The following ZC3H3 variants were observed in gnomAD, a reference collection of about 807,000 sequenced individuals.
ZC3H3 encodes zinc finger CCCH-type containing 3.
In ZC3H3, 36 loss-of-function variants were observed where a neutral mutation model predicts 77.3. The observed-to-expected ratio is 0.47, with a 90% confidence interval of 0.36 to 0.61. The LOEUF (loss-of-function observed/expected upper bound fraction) is 0.61. Among genes scored for constraint, ZC3H3 ranks in the 20% least tolerant of loss-of-function variants. ZC3H3 has a pLI of 0.00. For missense variants in ZC3H3, 1,331 were observed against 1,312.2 expected (o/e 1.01, Z -0.22); for synonymous variants, 626 against 555.2 (o/e 1.13, Z -1.79).
Position 143,468,189 on chromosome 8 carries a change from G to A in ZC3H3, c.2175+20C>T. ...CCGGAGAAAGGTGCACGGGAGCAGGGCCACCAGCGCCGCACTCACCTTCTC... is the reference window on the plus strand; with the variant it reads ...CCGGAGAAAGGTGCACGGGAGCAGGACCACCAGCGCCGCACTCACCTTCTC... On this transcript the variant is annotated intron_variant, in intron 8 of 11. Coordinates refer to ENST00000262577, the MANE Select transcript of ZC3H3 (RefSeq NM_015117.3). 2 of 1,604,196 alleles carry A rather than the reference G, an allele frequency of 1.2e-6. No homozygotes were observed. Among genetic ancestry groups the A allele is most frequent in the Non-Finnish European group, 1.7e-6 (2 of 1,173,596 alleles).
intron 3 of ZC3H3, among the ~76,000 whole-genome samples, chr8:143,532,834 C>T (rs568888253): frequency 3.4e-4 from 52 of 152,328 alleles, no homozygotes; most frequent in African/African-American, 9.1e-4. Flanking sequence ...CCTCAGCAGA[C>T]GCCCTGGCCA....
rs576613924 is a variant in ZC3H3 at position 143,540,310 on chromosome 8, T to G, written c.47-990A>C. On this transcript the variant is annotated intron_variant, in intron 1 of 11. Transcript: ENST00000262577. ...GTGCAGTGGCCCAATCACGGCTCAC[T>G]GCAGCCGGGACCTCCAGGGCACAAG... Among the ~76,000 whole-genome samples the G allele has an allele frequency of 3.6e-5, 4 of 111,470 alleles. No homozygotes were observed. In the South Asian group the frequency reaches 1.2e-3, roughly 34 times the overall value. The allele number at this position is 111,470 out of a possible 152,430, so 73.1% of individuals were successfully genotyped here.
At chr8:143,450,882 A>G (rs1382131761) in intron 9 of ZC3H3, among the ~76,000 whole-genome samples, 1 of 152,200 alleles carries the variant, frequency 6.6e-6, no homozygotes, top group African/African-American at 2.4e-5. Context: ...CTAGCTGTGG[A>G]TCTGCAGGAC....
intron 8 of ZC3H3, among the ~76,000 whole-genome samples, chr8:143,467,016 G>C (rs974538637): frequency 1.3e-5 from 2 of 152,212 alleles, no homozygotes; most frequent in East Asian, 1.9e-4. Flanking sequence ...GGCTGAGAGG[G>C]AGGGAGGGAG....
At chr8:143,453,895 C>T (rs979274001) in intron 9 of ZC3H3, among the ~76,000 whole-genome samples, 1 of 152,120 alleles carries the variant, frequency 6.6e-6, no homozygotes, top group Non-Finnish European at 1.5e-5. Flanking sequence ...CAAAACGACA[C>T]CACCAGCAGA....
chr8:143,524,317 G>A (rs1016128150), intron 3 of ZC3H3, among the ~76,000 whole-genome samples: 3 of 152,252 alleles, frequency 2.0e-5, no homozygotes, highest in East Asian at 1.9e-4. Context: ...CCAGGCCCTA[G>A]GGGAGAGCTC....
chr8:143,520,909 A>G (rs1822220827), intron 3 of ZC3H3, among the ~76,000 whole-genome samples: 1 of 152,202 alleles, frequency 6.6e-6, no homozygotes. Context: ...TGCTCTGCCC[A>G]GCAGCACCCT....
chr8:143,526,037 C>T (rs1822401026), intron 3 of ZC3H3, among the ~76,000 whole-genome samples: 1 of 152,222 alleles, frequency 6.6e-6, no homozygotes, highest in Non-Finnish European at 1.5e-5. Flanking sequence ...GCCTGGAGAA[C>T]CCCCACAGCC....
chr8:143,464,329 A>G (rs929779653), intron 9 of ZC3H3, among the ~76,000 whole-genome samples: 10 of 152,356 alleles, frequency 6.6e-5, no homozygotes, highest in African/African-American at 2.4e-4. Flanking sequence ...GGATCCTGCC[A>G]CTGCCCCCAC....
intron 9 of ZC3H3, among the ~76,000 whole-genome samples, chr8:143,455,243 G>C (rs1429577825): frequency 1.3e-5 from 2 of 152,194 alleles, no homozygotes; most frequent in Admixed American, 1.3e-4. Flanking sequence ...GAACCCAGGA[G>C]ATGGAGGGTG....
chr8:143,442,968 G>A (rs117833489), intron 9 of ZC3H3, among the ~76,000 whole-genome samples: 2,069 of 152,188 alleles, frequency 0.014, 27 homozygotes, highest in Non-Finnish European at 0.017. Flanking sequence ...ACCAAATCCC[G>A]AGGATCAAAG....
At chr8:143,475,253 C>T (rs1056366252) in intron 5 of ZC3H3, 145 bp downstream of exon 5, 12 of 1,013,196 alleles carry the variant, frequency 1.2e-5, no homozygotes, top group Admixed American at 1.2e-4. Context: ...AGCATGAGGC[C>T]CCTGACCTCC....
At chr8:143,447,255 C>A (rs1383433810) in intron 9 of ZC3H3, among the ~76,000 whole-genome samples, 1 of 152,206 alleles carries the variant, frequency 6.6e-6, no homozygotes, top group Non-Finnish European at 1.5e-5. Flanking sequence ...CTGTGACGCA[C>A]CCTTTGTCCC....
rs575398842 is a variant in ZC3H3 at position 143,523,231 on chromosome 8, C to T, written c.1561+13026G>A. On this transcript the variant is annotated intron_variant, in intron 3 of 11. Coordinates refer to ENST00000262577, the MANE Select transcript of ZC3H3 (RefSeq NM_015117.3). ...CCCTGGCTGGACCACCTGGCCCCCA[C>T]ACCTCCCACTGCACACAACCCTCCA... 2.6e-5 allele frequency: 22 copies of T among 857,010 alleles called. No homozygotes were observed. The East Asian group carries it at 2.6e-3, about 100-fold the overall frequency. The allele number at this position is 857,010 out of a possible 1,614,324, so 53.1% of individuals were successfully genotyped here. A position where few individuals can be genotyped will look rare whatever the true frequency, so the allele number is the denominator to read the frequency against.
chr8:143,438,643 G>C (rs1291422257), intron 11 of ZC3H3, among the ~76,000 whole-genome samples: 1 of 152,164 alleles, frequency 6.6e-6, no homozygotes, highest in Non-Finnish European at 1.5e-5. Context: ...GGGAAGCCCA[G>C]GGGCTCCTGC....
At chr8:143,473,534 G>A (rs1026280651) in intron 5 of ZC3H3, among the ~76,000 whole-genome samples, 4 of 152,140 alleles carry the variant, frequency 2.6e-5, no homozygotes, top group Non-Finnish European at 2.9e-5. Context: ...CCCTTCCCTG[G>A]GCAGAGGGAT....
intron 9 of ZC3H3, among the ~76,000 whole-genome samples, chr8:143,441,747 G>T (rs980016383): frequency 1.3e-5 from 2 of 152,166 alleles, no homozygotes; most frequent in African/African-American, 2.4e-5. Flanking sequence ...AGGCCCCAGC[G>T]GCCCAGCCTG....
At chr8:143,532,382 A>G (rs1822644367) in intron 3 of ZC3H3, among the ~76,000 whole-genome samples, 1 of 152,288 alleles carries the variant, frequency 6.6e-6, no homozygotes. Context: ...CTGGTGCATA[A>G]GTCCACAGGG....
At chr8:143,479,096 T>C (rs952688055) in intron 4 of ZC3H3, among the ~76,000 whole-genome samples, 8 of 152,302 alleles carry the variant, frequency 5.3e-5, no homozygotes, top group African/African-American at 1.7e-4. Context: ...CCCAAGAGCC[T>C]CATTCCGAGA....
Sources: gnomAD v4.1 joint callset for allele counts (sites outside exome capture counted in the v4.1 genomes callset) on GRCh38, gnomAD v4.1.1 for gene constraint, MANE v1.5 for transcripts, NCBI Gene and HGNC (gene_info 2026-07-23, HGNC 2026-07-21) for gene names.